Variants in EYS observed in about 807,000 individuals in gnomAD.
EYS encodes EGF-like photoreceptor maintenance factor.
A neutral mutation model predicts 282.1 loss-of-function variants in EYS; 250 were observed. The observed-to-expected ratio is 0.89, with a 90% CI of 0.80 to 0.98. The LOEUF is 0.98. Among genes scored for constraint, EYS ranks in the 50% least tolerant of loss-of-function variants. EYS has a pLI of 0.00. For missense variants in EYS, 4,016 were observed against 3,709.0 expected (o/e 1.08, Z -2.15); for synonymous variants, 1,355 against 1,282.9 (o/e 1.06, Z -1.20).
intron 13 of EYS, among the ~76,000 whole-genome samples, chr6:65,024,905 T>C (rs891408677): frequency 1.3e-5 from 2 of 152,190 alleles, no homozygotes; most frequent in African/African-American, 2.4e-5. Context: ...AGCAATTTCA[T>C]GGCATAAATC....
chr6:64,797,356 G>A (rs1774386911), intron 22 of EYS, among the ~76,000 whole-genome samples: 1 of 151,964 alleles, frequency 6.6e-6, no homozygotes, highest in Non-Finnish European at 1.5e-5. Context: ...TCGGAGATGT[G>A]AGATTATTGT....
chr6:65,083,864 G>C (rs1774291377), intron 12 of EYS, among the ~76,000 whole-genome samples: 1 of 151,646 alleles, frequency 6.6e-6, no homozygotes, highest in Non-Finnish European at 1.5e-5. Context: ...ATCTGAAGGT[G>C]ATAATTTTAT....
chr6:64,131,284 T>C (rs1308236641), intron 31 of EYS, among the ~76,000 whole-genome samples: 2 of 152,252 alleles, frequency 1.3e-5, no homozygotes, highest in African/African-American at 4.8e-5. Flanking sequence ...GTATTTACTA[T>C]GTGCACAGTT....
At chr6:65,092,646 G>A (rs547027263) in intron 12 of EYS, among the ~76,000 whole-genome samples, 21 of 152,144 alleles carry the variant, frequency 1.4e-4, no homozygotes, top group Admixed American at 4.6e-4. Context: ...TTTAGTTGCC[G>A]TGATAGCATA....
intron 31 of EYS, among the ~76,000 whole-genome samples, chr6:64,180,666 G>C (rs1483252212): frequency 2.0e-5 from 3 of 151,994 alleles, no homozygotes; most frequent in African/African-American, 7.2e-5. Flanking sequence ...TTATCAATGA[G>C]AACATGCACA....
chr6:64,590,954 C>G lies in EYS; in HGVS notation c.4913G>C (p.Arg1638Thr). 1 of 1,551,012 alleles carries G rather than the reference C, an allele frequency of 6.4e-7. No individual in the cohort carries two copies. The change falls in exon 26 of 43, where the codon AGA (arginine) becomes ACA (threonine). Residue 1638 changes from arginine (R) to threonine (T), a missense_variant. Arg to Thr is a moderately conservative substitution (Grantham distance 71). Coordinates refer to ENST00000503581, the MANE Select transcript of EYS (RefSeq NM_001142800.2). ...SLFPSKKSAK[R>T]TILSSSLEES... ...TTCCAAGGATGAGGATAAAATTGTTCTTTTTGCACTCTTTTTAGAAGGAAA... is the reference window on the plus strand; with the variant it reads ...TTCCAAGGATGAGGATAAAATTGTTGTTTTTGCACTCTTTTTAGAAGGAAA...
intron 18 of EYS, among the ~76,000 whole-genome samples, chr6:64,898,746 G>A (rs940432737): frequency 1.3e-5 from 2 of 149,084 alleles, no homozygotes; most frequent in African/African-American, 5.0e-5. Context: ...TCAAAATAAA[G>A]GGATGGAAGA....
intron 23 of EYS, among the ~76,000 whole-genome samples, chr6:64,619,041 A>T (rs552819172): frequency 6.6e-6 from 1 of 152,328 alleles, no homozygotes; most frequent in South Asian, 2.1e-4. Context: ...ACTCTAACAA[A>T]TACTAAAGGA....
At chr6:64,447,346 C>T (rs56682975) in intron 26 of EYS, among the ~76,000 whole-genome samples, 42,122 of 151,852 alleles carry the variant, frequency 0.28, 5,969 homozygotes, top group East Asian at 0.47. Context: ...TAGCTCATCC[C>T]AATTAGCTTA....
intron 4 of EYS, chr6:65,491,330 T>C (rs1766036307): frequency 3.6e-6 from 1 of 276,308 alleles, no homozygotes; most frequent in Non-Finnish European, 7.2e-6. Flanking sequence ...ATACTCATTC[T>C]ATGCATATTT....
rs569383746 is a variant in EYS at position 64,970,763 on chromosome 6, A to C, written c.2260-24849T>G. ...CTGCAAGTGCTCCCAAAGAGCAGAG[A>C]AAAGTCATGACATTACAAGAAAAAG... On this transcript the variant is annotated intron_variant, in intron 14 of 42. Transcript: ENST00000503581. 9.8e-5 allele frequency among the ~76,000 whole-genome samples: 15 copies of C among 152,292 alleles called. No individual in the cohort carries two copies. In the East Asian group the frequency reaches 2.9e-3, roughly 29 times the overall value.
intron 12 of EYS, among the ~76,000 whole-genome samples, chr6:65,087,799 C>A (rs768051528): frequency 6.6e-6 from 1 of 152,134 alleles, no homozygotes; most frequent in Non-Finnish European, 1.5e-5. Flanking sequence ...TCATTCCATG[C>A]ACATGTCTAA....
chr6:65,500,872 C>A (rs551344319), intron 2 of EYS, among the ~76,000 whole-genome samples: 1 of 151,986 alleles, frequency 6.6e-6, no homozygotes, highest in South Asian at 2.1e-4. Context: ...ACAAGACTGT[C>A]ACAGATGAGC....
chr6:63,826,890 AG>A (rs546156986), intron 36 of EYS, among the ~76,000 whole-genome samples: 167 of 151,434 alleles, frequency 1.1e-3, no homozygotes, highest in African/African-American at 3.8e-3. Flanking sequence ...AAAAATACAT[AG>A]GCAACAAAGA....
At position 65,423,398 on chromosome 6, in the gene EYS, T is replaced by G. The variant is rs184407778; in HGVS notation, c.863-18031A>C. Among the ~76,000 whole-genome samples the G allele has an allele frequency of 2.9e-3, 435 of 152,100 alleles. 5 individuals are homozygous for G. The highest frequency in any genetic ancestry group is 6.6e-4 in the Non-Finnish European group (45 of 67,928). ...ATGTAATGTGTGTGATGGGCAGATG[T>G]TCTTCAGTGTTTTTAGCTGTTTGCT... On this transcript the variant is annotated intron_variant, in intron 5 of 42. Transcript: ENST00000503581.
chr6:63,863,679 T>TCTTTTCTTTC (rs4034986), intron 36 of EYS, among the ~76,000 whole-genome samples: 4 of 139,234 alleles, frequency 2.9e-5, no homozygotes, highest in African/African-American at 1.1e-4. Flanking sequence ...TTTTTTCTTT[T>TCTTTTCTTTC]TTTTTTTTTT....
At chr6:63,794,470 G>A (rs968314044) in intron 37 of EYS, among the ~76,000 whole-genome samples, 10 of 152,170 alleles carry the variant, frequency 6.6e-5, no homozygotes, top group African/African-American at 2.2e-4. Flanking sequence ...GATCAAACAT[G>A]GAGGTGAAAT....
At chr6:63,752,545 T>C (rs1238318988) in intron 41 of EYS, among the ~76,000 whole-genome samples, 5 of 147,060 alleles carry the variant, frequency 3.4e-5, no homozygotes, top group Admixed American at 2.8e-4. Context: ...CAGGCTGGAG[T>C]GCAGTGGCGC....
intron 24 of EYS, among the ~76,000 whole-genome samples, chr6:64,602,514 T>C (rs1766794852): frequency 1.3e-5 from 2 of 152,032 alleles, no homozygotes; most frequent in South Asian, 4.1e-4. Context: ...AAACCAGAGA[T>C]GACAGATGAA....
Sources: allele counts gnomAD v4.1 joint callset (sites outside exome capture counted in the v4.1 genomes callset), GRCh38; gene constraint gnomAD v4.1.1; transcripts MANE v1.5; gene names NCBI Gene and HGNC (gene_info 2026-07-23, HGNC 2026-07-21).